C1orf141: variants seen among roughly 807,000 people sequenced by gnomAD.
C1orf141 encodes uncharacterized protein C1orf141.
C1orf141 carries 19 observed loss-of-function variants against 23.2 expected under a neutral mutation model. The ratio of observed to expected loss-of-function variants is 0.82; its 90% confidence interval spans 0.57 to 1.20. The LOEUF is 1.20. Among genes scored for constraint, C1orf141 ranks in the 50% most tolerant of loss-of-function variants. C1orf141 has a pLI of 0.00. For missense variants in C1orf141, 469 were observed against 455.1 expected, an observed-to-expected ratio of 1.03 and a Z score of -0.28; for synonymous variants, 153 against 154.6, an observed-to-expected ratio of 0.99 and a Z score of 0.08.
chr1:67,134,720 A>G (rs1261262936), intron 1 of C1orf141, among the ~76,000 whole-genome samples: 2 of 152,206 alleles, frequency 1.3e-5, no homozygotes, highest in Non-Finnish European at 2.9e-5. Context: ...CGAACCTGGA[A>G]GAGCCCCCCG....
At position 67,092,600 on chromosome 1, in the gene C1orf141, A is replaced by G. The variant is rs1365631554; in HGVS notation, c.*405T>C. 3 of 156,172 alleles carry G rather than the reference A, an allele frequency of 1.9e-5. No homozygotes were observed. The highest frequency in any genetic ancestry group is 2.8e-5 in the Non-Finnish European group (2 of 70,358). The allele number at this position is 156,172 out of a possible 1,614,324, so 9.7% of individuals were successfully genotyped here. ...CTGGTATACAATTAACTCCACAGTC[A>G]TTAAATTAATGGTAATTTGTCTTAT... On this transcript the variant is annotated 3_prime_UTR_variant, in exon 8 of 8. Transcript: ENST00000684719.
chr1:67,103,647 T>G (rs911778171), intron 5 of C1orf141, among the ~76,000 whole-genome samples: 8 of 152,158 alleles, frequency 5.3e-5, no homozygotes, highest in African/African-American at 1.9e-4. Flanking sequence ...TTATTTTCTT[T>G]GTCTATAAAA....
intron 5 of C1orf141, among the ~76,000 whole-genome samples, chr1:67,097,838 G>C (rs1305168545): frequency 5.9e-5 from 9 of 152,134 alleles, no homozygotes; most frequent in Non-Finnish European, 1.0e-4. Context: ...GAAATCGTTG[G>C]CTTCAGTTTC....
chr1:67,125,946 AAG>A, intron 3 of C1orf141, 37 bp from the exon 4 acceptor site: 3 of 1,493,114 alleles, frequency 2.0e-6, no homozygotes, highest in Non-Finnish European at 2.7e-6. Context: ...AAAAAAAAAA[AAG>A]AGTACTTTTT....
In C1orf141 at chr1:67,093,550, A is replaced by C. The variant is rs147622058; in HGVS notation, c.658T>G (p.Leu220Val). Residue 220 changes from leucine (L) to valine (V), a missense_variant, in exon 8 of 8, where the codon TTA (leucine) becomes GTA (valine). Leu to Val is a conservative substitution (Grantham distance 32). Around this residue, in one of 3 missense-constraint regions of C1orf141, gnomAD observed 370 missense variants for 348.1 expected, o/e 1.06. Transcript: ENST00000684719. ...GAAAATCTATTTTTTGTCAAAAGTA[A>C]CATTCGTACATATTCTGTGTCATGG... is the stretch of plus-strand genomic sequence containing the variant. ...IFHDTEYVRM[L>V]LLTKNRFSSH... is the part of the protein sequence containing the mutation. The C allele has an allele frequency of 2.4e-5, 38 of 1,602,186 alleles. No homozygotes were observed. In the African/African-American group the frequency reaches 4.2e-4, roughly 18 times the overall value.
chr1:67,104,995 A>G lies in C1orf141; in HGVS notation c.347-8674T>C, dbSNP rs530091087. Among the ~76,000 whole-genome samples the G allele has an allele frequency of 5.3e-5, 8 of 152,342 alleles. No homozygotes were observed. The South Asian group carries it at 1.7e-3, about 32-fold the overall frequency. On this transcript the variant is annotated intron_variant, in intron 5 of 7. Transcript: ENST00000684719. Reference sequence around the variant, plus strand: ...TTAACAACTATTATTGATAAGAACTATAATAAAACTACATAAAGATAATAT... The same window carrying G: ...TTAACAACTATTATTGATAAGAACTGTAATAAAACTACATAAAGATAATAT...
chr1:67,103,391 C>T lies in C1orf141; in HGVS notation c.347-7070G>A, dbSNP rs890136835. 2.5e-5 allele frequency: 34 copies of T among 1,353,352 alleles called. No individual in the cohort carries two copies. The African/African-American group carries it at 4.8e-4, about 19-fold the overall frequency. The allele number at this position is 1,353,352 out of a possible 1,614,324, so 83.8% of individuals were successfully genotyped here. ...GGCCCTGCATTTTCCATCTAAACAT[C>T]AGGAAAAATGGAAAATTATCTTAGA... is the stretch of plus-strand genomic sequence containing the variant. On this transcript the variant is annotated intron_variant, in intron 5 of 7. Transcript: ENST00000684719.
chr1:67,128,548 A>G (rs1646461478), intron 2 of C1orf141, among the ~76,000 whole-genome samples: 1 of 152,104 alleles, frequency 6.6e-6, no homozygotes, highest in South Asian at 2.1e-4. Context: ...TACTAAAAAT[A>G]CAAAAATTAG....
At chr1:67,107,112 A>T (rs1464810854) in intron 5 of C1orf141, among the ~76,000 whole-genome samples, 1 of 152,234 alleles carries the variant, frequency 6.6e-6, no homozygotes, top group Non-Finnish European at 1.5e-5. Context: ...AAATGGAACT[A>T]TACAATTTAA....
At chr1:67,117,053 A>ATT (rs1198022688) in intron 4 of C1orf141, among the ~76,000 whole-genome samples, 1 of 152,138 alleles carries the variant, frequency 6.6e-6, no homozygotes, top group Non-Finnish European at 1.5e-5. Context: ...AGGGCACACT[A>ATT]TTTATGTGTT....
At chr1:67,137,185 C>T (rs1042066885), upstream of C1orf141, among the ~76,000 whole-genome samples, 1 of 152,150 alleles carries the variant, frequency 6.6e-6, no homozygotes, top group Non-Finnish European at 1.5e-5. Flanking sequence ...CTGAATAGAA[C>T]CCTCAGGTTC....
chr1:67,101,781 CTT>C (rs1437475786), intron 5 of C1orf141, among the ~76,000 whole-genome samples: 1 of 152,058 alleles, frequency 6.6e-6, no homozygotes, highest in Non-Finnish European at 1.5e-5. Flanking sequence ...TACTTTGAGA[CTT>C]TGATAAAAAG....
chr1:67,125,715 T>A, intron 4 of C1orf141, 37 bp downstream of exon 4: 1 of 1,592,730 alleles, frequency 6.3e-7, no homozygotes, highest in Non-Finnish European at 8.6e-7. Context: ...AACAAACAAA[T>A]TCTGAACTGA....
Position 67,093,421 on chromosome 1 carries a change from T to C in C1orf141, c.787A>G (p.Ile263Val). The C allele has an allele frequency of 6.2e-7, 1 of 1,611,990 alleles. No individual in the cohort carries two copies. The highest frequency in any genetic ancestry group is 8.5e-7 in the Non-Finnish European group (1 of 1,178,658). Reference sequence around the variant, plus strand: ...GTTTTTTGGGGTTTGAAAAGAGAAATAGATTGATTGCCAATTATAGATTTG... The same window carrying C: ...GTTTTTTGGGGTTTGAAAAGAGAAACAGATTGATTGCCAATTATAGATTTG... ...ILKSIIGNQS[I>V]SLFKPQKTMP... The change falls in exon 8 of 8, where the codon ATT (isoleucine) becomes GTT (valine). Residue 263 changes from isoleucine (I) to valine (V), a missense_variant. Transcript: ENST00000684719.
chr1:67,136,613 T>G (rs968246743), upstream of C1orf141, among the ~76,000 whole-genome samples: 5 of 152,202 alleles, frequency 3.3e-5, no homozygotes, highest in African/African-American at 1.2e-4. Context: ...TCAGTTAATA[T>G]TTATGGAACA....
chr1:67,106,394 C>A (rs1468714996), intron 5 of C1orf141, among the ~76,000 whole-genome samples: 2 of 152,158 alleles, frequency 1.3e-5, no homozygotes, highest in Admixed American at 1.3e-4. Flanking sequence ...TGCCTGTTAT[C>A]CCAGCCCTTT....
chr1:67,128,564 C>T (rs1376478335), intron 2 of C1orf141, among the ~76,000 whole-genome samples: 3 of 151,842 alleles, frequency 2.0e-5, no homozygotes, highest in Admixed American at 6.6e-5. Flanking sequence ...ATTAGCTGTG[C>T]GTGGTGCCAC....
intron 5 of C1orf141, among the ~76,000 whole-genome samples, chr1:67,097,041 G>C (rs1645696150): frequency 6.6e-6 from 1 of 152,170 alleles, no homozygotes; most frequent in Middle Eastern, 3.4e-3. Context: ...GGGAAGCTCT[G>C]TTCTAGAGGG....
chr1:67,099,433 C>T (rs1476434053), intron 5 of C1orf141, among the ~76,000 whole-genome samples: 1 of 152,146 alleles, frequency 6.6e-6, no homozygotes, highest in African/African-American at 2.4e-5. Context: ...TAATAGCCAA[C>T]AGGTCACCAT....
Sources: allele counts gnomAD v4.1 joint callset (sites outside exome capture counted in the v4.1 genomes callset), GRCh38; gene constraint gnomAD v4.1.1; regional missense constraint gnomAD v4.1.1; transcripts MANE v1.5; gene names NCBI Gene and HGNC (gene_info 2026-07-23, HGNC 2026-07-21).